Variants in USP47 observed in about 807,000 individuals in gnomAD.
The protein encoded by USP47 is ubiquitin specific peptidase 47, also known as ubiquitin carboxyl-terminal hydrolase 47.
Under a neutral mutation model 165.1 loss-of-function variants are expected in USP47, and 35 were observed. The ratio of observed to expected loss-of-function variants is 0.21; its 90% confidence interval spans 0.16 to 0.28. The LOEUF (loss-of-function observed/expected upper bound fraction) is 0.28, where lower values mean the gene tolerates loss of function less well. Among genes scored for constraint, USP47 ranks in the 10% least tolerant of loss-of-function variants. The pLI is 1.00. For missense variants in USP47, 1,277 were observed against 1,607.4 expected (o/e 0.79, Z 3.52); for synonymous variants, 531 against 544.5 (o/e 0.98, Z 0.35).
At chr11:11,923,091 T>C (rs991160185) in intron 11 of USP47, among the ~76,000 whole-genome samples, 200 bp downstream of exon 11, 9 of 140,250 alleles carry the variant, frequency 6.4e-5, no homozygotes, top group Non-Finnish European at 9.2e-5. Flanking sequence ...TATATGACTA[T>C]AATTAAACTT....
chr11:11,945,946 AAAAAG>A (rs58705354), intron 20 of USP47, among the ~76,000 whole-genome samples: 91 of 151,212 alleles, frequency 6.0e-4, no homozygotes, highest in South Asian at 2.9e-3. Context: ...CCCCCAAAAA[AAAAAG>A]AAAAGAAAAG....
intron 18 of USP47, 72 bp from the exon 19 acceptor site, chr11:11,940,357 C>G (rs61871868): frequency 0.025 from 36,377 of 1,478,186 alleles, 563 homozygotes; most frequent in Middle Eastern, 0.04. Context: ...CAGTGTCTTG[C>G]TTTCCCATAT....
chr11:11,921,644 G>A (rs1853846042), intron 10 of USP47, among the ~76,000 whole-genome samples: 2 of 151,976 alleles, frequency 1.3e-5, no homozygotes, highest in East Asian at 1.9e-4. Flanking sequence ...AATCTTTGTA[G>A]GATTTCTACT....
chr11:11,918,520 T>G (rs1361347870), intron 8 of USP47, among the ~76,000 whole-genome samples: 1 of 152,060 alleles, frequency 6.6e-6, no homozygotes, highest in Non-Finnish European at 1.5e-5. Context: ...ATATTGAAGT[T>G]AAGAGGCAAA....
chr11:11,948,325 C>A (rs1424933857), intron 21 of USP47, 153 bp from the exon 22 acceptor site: 1 of 814,878 alleles, frequency 1.2e-6, no homozygotes. Flanking sequence ...GTGTCAGTTA[C>A]TATTCTAGGT....
At chr11:11,907,344 C>A (rs1852638111) in intron 8 of USP47, among the ~76,000 whole-genome samples, 1 of 152,122 alleles carries the variant, frequency 6.6e-6, no homozygotes, top group African/African-American at 2.4e-5. Flanking sequence ...CACACATGCG[C>A]TAATAGGGCT....
intron 9 of USP47, 24 bp from the exon 10 acceptor site, chr11:11,920,318 C>A: frequency 1.2e-6 from 2 of 1,605,700 alleles, no homozygotes; most frequent in South Asian, 1.1e-5. Context: ...TAGACTCTCC[C>A]CCTTTTTGTT....
At chr11:11,877,854 TGTGTGCGC>T (rs1850570109) in intron 1 of USP47, among the ~76,000 whole-genome samples, 1 of 73,384 alleles carries the variant, frequency 1.4e-5, no homozygotes, top group Non-Finnish European at 2.7e-5. Flanking sequence ...TGTGTGTGTG[TGTGTGCGC>T]GCGCGCAGAT....
intron 11 of USP47, among the ~76,000 whole-genome samples, chr11:11,927,264 A>G (rs1854318226): frequency 6.6e-6 from 1 of 151,998 alleles, no homozygotes; most frequent in Admixed American, 6.6e-5. Context: ...TGAACATGAT[A>G]TGCCTAAACA....
intron 1 of USP47, among the ~76,000 whole-genome samples, chr11:11,864,695 T>C (rs181782206): frequency 3.3e-5 from 5 of 152,286 alleles, no homozygotes; most frequent in Middle Eastern, 3.4e-3. Flanking sequence ...TTTCAGGATT[T>C]CATTCCTTTT....
chr11:11,944,681 A>ATC (rs1389559183), intron 20 of USP47, among the ~76,000 whole-genome samples: 1 of 152,194 alleles, frequency 6.6e-6, no homozygotes, highest in Non-Finnish European at 1.5e-5. Flanking sequence ...TGAGACTCAG[A>ATC]TATCATTAGC....
rs1399948591 is a variant in USP47, at chr11:11,892,188, T to G, written c.496+82T>G. On this transcript the variant is annotated intron_variant, in intron 4 of 27. Coordinates refer to ENST00000527733, the MANE Select transcript of USP47 (RefSeq NM_001282659.2). The stretch of plus-strand genomic sequence containing the variant: ...GCGATTTGAAGCCTAATCCTCTTAT[T>G]TTATGGATAAGAAAACTGAGACCTA... The G allele has an allele frequency of 8.3e-6, 12 of 1,441,492 alleles. No homozygotes were observed. The Admixed American group carries it at 2.7e-4, about 32-fold the overall frequency. The allele number at this position is 1,441,492 out of a possible 1,614,324, so 89.3% of individuals were successfully genotyped here. A position where few individuals can be genotyped will look rare whatever the true frequency, so the allele number is the denominator to read the frequency against.
At chr11:11,910,294 T>C (rs1324191501) in intron 8 of USP47, among the ~76,000 whole-genome samples, 3 of 152,106 alleles carry the variant, frequency 2.0e-5, no homozygotes, top group Non-Finnish European at 4.4e-5. Context: ...TCTTTTTGCC[T>C]AATATATCCC....
chr11:11,946,630 A>G (rs1479115571), intron 20 of USP47, among the ~76,000 whole-genome samples: 5 of 152,172 alleles, frequency 3.3e-5, no homozygotes, highest in Admixed American at 6.5e-5. Context: ...TAATTTTTGC[A>G]TTACACCCTT....
intron 7 of USP47, 55 bp from the exon 8 acceptor site, chr11:11,905,344 T>C: frequency 7.5e-7 from 1 of 1,339,958 alleles, no homozygotes; most frequent in Non-Finnish European, 1.0e-6. Context: ...GAATGTTACA[T>C]GTTTTAAAGG....
At chr11:11,903,951 A>C (rs914741154) in intron 7 of USP47, among the ~76,000 whole-genome samples, 1 of 152,120 alleles carries the variant, frequency 6.6e-6, no homozygotes, top group Non-Finnish European at 1.5e-5. Context: ...AAGAGTATAT[A>C]AGGTAGCTAG....
chr11:11,927,227 T>A (rs1367993247), intron 11 of USP47, among the ~76,000 whole-genome samples: 1 of 94,468 alleles, frequency 1.1e-5, no homozygotes, highest in Non-Finnish European at 2.9e-5. Flanking sequence ...CCCCTGAAGA[T>A]TTTTTTGTCT....
chr11:11,933,783 T>C lies in USP47; in HGVS notation c.1765-48T>C, dbSNP rs754779059. On this transcript the variant is annotated intron_variant, in intron 15 of 27. Transcript: ENST00000527733. Reference sequence around the variant, plus strand: ...GGAATAAATGCTATCTACGGAAGAATTGAACTTTGGAACTGCAGAGTTGAT... The same window carrying C: ...GGAATAAATGCTATCTACGGAAGAACTGAACTTTGGAACTGCAGAGTTGAT... 12 of 1,330,162 alleles carry C rather than the reference T, an allele frequency of 9.0e-6. No individual in the cohort carries two copies. The South Asian group carries it at 1.3e-4, about 15-fold the overall frequency. The allele number at this position is 1,330,162 out of a possible 1,614,324, so 82.4% of individuals were successfully genotyped here.
At chr11:11,876,850 G>A (rs1271873460) in intron 1 of USP47, among the ~76,000 whole-genome samples, 1 of 152,110 alleles carries the variant, frequency 6.6e-6, no homozygotes, top group Non-Finnish European at 1.5e-5. Flanking sequence ...TACACACACA[G>A]CGTGACTTCT....
Sources: allele counts gnomAD v4.1 joint callset (sites outside exome capture counted in the v4.1 genomes callset), GRCh38; gene constraint gnomAD v4.1.1; transcripts MANE v1.5; gene names NCBI Gene and HGNC (gene_info 2026-07-23, HGNC 2026-07-21).